The following PRR5 variants were observed in gnomAD, a reference collection of about 807,000 sequenced individuals.
PRR5 encodes proline rich 5, also known as proline-rich protein 5.
PRR5 carries 25 observed loss-of-function variants against 30.6 expected under a neutral mutation model. That is an observed-to-expected ratio of 0.82 (90% CI 0.60 to 1.14). PRR5 has a LOEUF of 1.14. PRR5 is among the 50% of genes most tolerant of loss of function. The probability of loss-of-function intolerance (pLI) is 0.00; values close to 1 mark genes in which losing one functional copy is unlikely to be tolerated. For synonymous variants in PRR5, 286 were observed against 247.1 expected (o/e 1.16, Z -1.48); for missense variants, 600 against 547.1 (o/e 1.10, Z -0.96).
chr22:44,731,842 G>T (rs759813458), intron 5 of PRR5, 21 bp downstream of exon 5: 4 of 1,608,154 alleles, frequency 2.5e-6, no homozygotes, highest in Admixed American at 1.7e-5. Context: ...CAGCCCTGGG[G>T]AGGGAAGCCC....
chr22:44,686,430 G>A (rs927744810), intron 1 of PRR5, among the ~76,000 whole-genome samples: 41 of 150,656 alleles, frequency 2.7e-4, no homozygotes, highest in Non-Finnish European at 5.0e-4. Context: ...TGTGCCTCCC[G>A]GGATCAAAAG....
chr22:44,683,894 G>T (rs1924507989), intron 1 of PRR5, among the ~76,000 whole-genome samples: 1 of 152,386 alleles, frequency 6.6e-6, no homozygotes, highest in Admixed American at 6.5e-5. Context: ...CCTTGATAGG[G>T]TTCATGGATG....
upstream of PRR5, among the ~76,000 whole-genome samples, chr22:44,701,196 G>A (rs1254106431): frequency 6.6e-6 from 1 of 152,150 alleles, no homozygotes; most frequent in Non-Finnish European, 1.5e-5. Flanking sequence ...TTTTATATGG[G>A]GCCCTCCCAG....
At chr22:44,695,326 G>A (rs541394149) in intron 1 of PRR5, among the ~76,000 whole-genome samples, 11 of 152,294 alleles carry the variant, frequency 7.2e-5, no homozygotes, top group African/African-American at 2.6e-4. Flanking sequence ...AAGGAAAAAG[G>A]AGGAGGATTA....
chr22:44,696,622 G>A (rs4034127), intron 1 of PRR5, among the ~76,000 whole-genome samples: 67,537 of 152,012 alleles, frequency 0.44, 15,427 homozygotes, highest in South Asian at 0.65. Flanking sequence ...GGGCTCAGAT[G>A]GAGTCCTGGT....
chr22:44,709,640 T>A (rs1000138845), intron 1 of PRR5, among the ~76,000 whole-genome samples: 1 of 152,060 alleles, frequency 6.6e-6, no homozygotes, highest in Non-Finnish European at 1.5e-5. Flanking sequence ...GATCACCAGG[T>A]CAGGAGTTCG....
upstream of PRR5, among the ~76,000 whole-genome samples, chr22:44,700,444 CAA>C (rs759290578): frequency 1.2e-4 from 18 of 152,206 alleles, no homozygotes; most frequent in South Asian, 2.1e-4. Flanking sequence ...CCACAGGCGA[CAA>C]GAGCGAAACG....
rs369298320 is a variant in PRR5 at position 44,707,480 on chromosome 22, G to A, written c.134+4872G>A. ...CCCCAGCTGCCGGCATGCCCTTGGCGGGCTCTGTGCTTGTGCCCTAGGCCT... is the reference window on the plus strand; with the variant it reads ...CCCCAGCTGCCGGCATGCCCTTGGCAGGCTCTGTGCTTGTGCCCTAGGCCT... On this transcript the variant is annotated intron_variant, in intron 1 of 7. Transcript: ENST00000336985. Among the ~76,000 whole-genome samples the A allele has an allele frequency of 4.3e-4, 65 of 152,334 alleles. No individual in the cohort carries two copies. In the South Asian group the frequency reaches 0.012, roughly 29 times the overall value.
At chr22:44,733,258 T>A (rs553926830) in intron 6 of PRR5, among the ~76,000 whole-genome samples, 2 of 152,330 alleles carry the variant, frequency 1.3e-5, no homozygotes, top group Non-Finnish European at 1.5e-5. Context: ...CACCACACTT[T>A]GCAGTTGGCC....
In PRR5 at chr22:44,714,884, A is replaced by G. The variant is rs1275680142; in HGVS notation, c.215+213A>G. Among the ~76,000 whole-genome samples, 4 of 152,214 alleles carry G rather than the reference A, an allele frequency of 2.6e-5. No individual in the cohort carries two copies. The East Asian group carries it at 7.7e-4, about 29-fold the overall frequency. The stretch of plus-strand genomic sequence containing the variant: ...AGCTGCCATGTGGGCCATGACCTCC[A>G]TAAACCACTTCAGGCCTGGTGGCCC... On this transcript the variant is annotated intron_variant, in intron 2 of 7. Transcript: ENST00000336985.
Position 44,702,444 on chromosome 22 carries a change from C to T in PRR5, c.-31C>T, listed in dbSNP as rs1926472970. 7 of 1,302,968 alleles carry T rather than the reference C, an allele frequency of 5.4e-6. No individual in the cohort carries two copies. In the East Asian group the frequency reaches 2.3e-4, roughly 43 times the overall value. The allele number at this position is 1,302,968 out of a possible 1,614,324, so 80.7% of individuals were successfully genotyped here. A position where few individuals can be genotyped will look rare whatever the true frequency, so the allele number is the denominator to read the frequency against. The stretch of plus-strand genomic sequence containing the variant: ...GGCGCAGGGCGCGGCGTGGGGCGCG[C>T]GTGGGCGCGGCGCAGGCGGCCCGGG... On this transcript the variant is annotated 5_prime_UTR_variant, in exon 1 of 8. Coordinates refer to ENST00000336985, the MANE Select transcript of PRR5 (RefSeq NM_181333.4).
chr22:44,722,381 C>T (rs531494983), intron 2 of PRR5, among the ~76,000 whole-genome samples: 21 of 152,362 alleles, frequency 1.4e-4, no homozygotes, highest in African/African-American at 4.8e-4. Context: ...TGTGCAGGAA[C>T]GTTAGTATTT....
intron 1 of PRR5, among the ~76,000 whole-genome samples, chr22:44,690,629 C>T (rs190942484): frequency 5.7e-4 from 87 of 152,270 alleles, no homozygotes; most frequent in Non-Finnish European, 1.0e-3. Context: ...GGGAATCAGC[C>T]CGAGGTCGAC....
At chr22:44,722,418 T>C (rs2147117105) in intron 2 of PRR5, among the ~76,000 whole-genome samples, 1 of 152,326 alleles carries the variant, frequency 6.6e-6, no homozygotes, top group Admixed American at 6.5e-5. Flanking sequence ...GCACCTGCAG[T>C]ACTGCCCGAG....
At chr22:44,679,912 G>C in intron 1 of PRR5, 1 of 1,554,908 alleles carries the variant, frequency 6.4e-7, no homozygotes, top group Admixed American at 1.9e-5. Context: ...GGGTGGCTAC[G>C]AGGGAGGCAG....
intron 1 of PRR5, among the ~76,000 whole-genome samples, chr22:44,669,519 G>A (rs1923301294): frequency 6.6e-6 from 1 of 152,220 alleles, no homozygotes; most frequent in African/African-American, 2.4e-5. Context: ...GGCAGGTGGG[G>A]ATACTGGGCA....
chr22:44,680,867 G>A (rs1171867919), intron 1 of PRR5, among the ~76,000 whole-genome samples: 1 of 152,226 alleles, frequency 6.6e-6, no homozygotes, highest in Non-Finnish European at 1.5e-5. Context: ...TGGGATTTGA[G>A]AACCTGGGGC....
intron 1 of PRR5, among the ~76,000 whole-genome samples, chr22:44,708,853 G>A (rs1927664940): frequency 1.3e-5 from 2 of 150,812 alleles, no homozygotes. Context: ...TGTAGTCCTA[G>A]CTACTCAGGA....
In PRR5 at chr22:44,736,800, G is replaced by C; in HGVS notation, c.720G>C (p.Ser240=). The C allele has an allele frequency of 6.4e-7, 1 of 1,567,216 alleles. No individual in the cohort carries two copies. Among genetic ancestry groups the C allele is most frequent in the Admixed American group, 1.8e-5 (1 of 56,260 alleles). The change falls in exon 8 of 8, where the codon TCG becomes TCC. Residue 240 remains serine, a synonymous_variant. Transcript: ENST00000336985. The stretch of plus-strand genomic sequence containing the variant: ...AGCGCCTCCTCCGCCGCTCCCGCTC[G>C]GGGGACGTGCTGGCCAAGAACCCTG... ...LEKRLLRRSR[S]GDVLAKNPVV...
Sources: allele counts gnomAD v4.1 joint callset (sites outside exome capture counted in the v4.1 genomes callset), GRCh38; gene constraint gnomAD v4.1.1; transcripts MANE v1.5; gene names NCBI Gene and HGNC (gene_info 2026-07-23, HGNC 2026-07-21).